GALNT13: variants seen among roughly 807,000 people sequenced by gnomAD.
GALNT13 encodes the protein UDP-GalNAc:polypeptide N-acetylgalactosaminyltransferase 13.
A neutral mutation model predicts 64.2 loss-of-function variants in GALNT13; 28 were observed. That is an observed-to-expected ratio of 0.44 (90% CI 0.32 to 0.60). GALNT13 has a LOEUF of 0.60. Ranked by LOEUF, GALNT13 falls within the 20% of genes least tolerant of loss-of-function variation. The probability of loss-of-function intolerance (pLI) is 0.05; values close to 1 mark genes in which losing one functional copy is unlikely to be tolerated. For missense variants in GALNT13, 577 were observed against 669.8 expected (o/e 0.86, Z 1.53); for synonymous variants, 214 against 224.6 (o/e 0.95, Z 0.42).
At chr2:153,214,791 A>G in the GALNT13 span, among the ~76,000 whole-genome samples, 2 of 152,192 alleles carry the variant, frequency 1.3e-5, no homozygotes, top group African/African-American at 2.4e-5. Context: ...AGTAATCTGC[A>G]TACTTTATTA....
chr2:153,158,244 T>C, the GALNT13 span, among the ~76,000 whole-genome samples: 1 of 152,198 alleles, frequency 6.6e-6, no homozygotes, highest in Non-Finnish European at 1.5e-5. Flanking sequence ...GACTGTAGTA[T>C]GTTTGCCACA....
chr2:154,327,228 G>A (rs1694924859), intron 9 of GALNT13, among the ~76,000 whole-genome samples: 1 of 151,994 alleles, frequency 6.6e-6, no homozygotes, highest in Non-Finnish European at 1.5e-5. Flanking sequence ...GCCTTGTGAA[G>A]GTCGCCTTTG....
chr2:153,351,594 A>G, the GALNT13 span, among the ~76,000 whole-genome samples: 3 of 152,316 alleles, frequency 2.0e-5, no homozygotes, highest in East Asian at 1.9e-4. Context: ...TTACTGCCCT[A>G]AAAGTCCTCT....
At chr2:153,666,616 A>G in the GALNT13 span, among the ~76,000 whole-genome samples, 1 of 152,090 alleles carries the variant, frequency 6.6e-6, no homozygotes, top group Admixed American at 6.5e-5. Flanking sequence ...AAATTATACC[A>G]CCATCGAACC....
chr2:153,602,667 A>AATGAGG, the GALNT13 span, among the ~76,000 whole-genome samples: 2 of 151,852 alleles, frequency 1.3e-5, no homozygotes, highest in African/African-American at 2.4e-5. Context: ...AGAGTTAGAA[A>AATGAGG]ATGAGGACAA....
chr2:154,230,682 T>A (rs1208992212), intron 4 of GALNT13, among the ~76,000 whole-genome samples: 5 of 152,136 alleles, frequency 3.3e-5, no homozygotes, highest in African/African-American at 1.2e-4. Flanking sequence ...ATTTTATTTT[T>A]AAAAATAACT....
the GALNT13 span, among the ~76,000 whole-genome samples, chr2:153,226,597 A>C: frequency 6.6e-6 from 1 of 152,128 alleles, no homozygotes; most frequent in African/African-American, 2.4e-5. Context: ...TATCAGACAA[A>C]TCCCATTTGA....
At chr2:153,795,863 T>C in the GALNT13 span, among the ~76,000 whole-genome samples, 1 of 152,226 alleles carries the variant, frequency 6.6e-6, no homozygotes, top group Admixed American at 6.5e-5. Context: ...CAATTCACAA[T>C]TATTCACTTA....
chr2:154,127,700 AC>A (rs1682369651), intron 3 of GALNT13, among the ~76,000 whole-genome samples: 1 of 147,230 alleles, frequency 6.8e-6, no homozygotes, highest in African/African-American at 2.5e-5. Flanking sequence ...ATCCATATCC[AC>A]ACACACACGT....
the GALNT13 span, among the ~76,000 whole-genome samples, chr2:153,535,204 G>A: frequency 1.3e-5 from 2 of 152,030 alleles, no homozygotes; most frequent in African/African-American, 4.8e-5. Context: ...GTGACGGCCC[G>A]GATACGGTTT....
chr2:154,182,591 T>C (rs941034761), intron 4 of GALNT13, among the ~76,000 whole-genome samples: 11 of 150,334 alleles, frequency 7.3e-5, no homozygotes, highest in Admixed American at 1.3e-4. Flanking sequence ...TAATTTTATC[T>C]GTTTTATAAG....
At chr2:153,588,072 A>C in the GALNT13 span, among the ~76,000 whole-genome samples, 2 of 152,204 alleles carry the variant, frequency 1.3e-5, no homozygotes, top group Non-Finnish European at 2.9e-5. Context: ...GGTCATGCTG[A>C]TGCAAAAGAT....
chr2:153,327,182 A>G, the GALNT13 span, among the ~76,000 whole-genome samples: 1 of 152,140 alleles, frequency 6.6e-6, no homozygotes. Flanking sequence ...TGTTAGTCTG[A>G]TGGGCTTCCC....
chr2:153,727,455 G>A, the GALNT13 span, among the ~76,000 whole-genome samples: 1 of 152,080 alleles, frequency 6.6e-6, no homozygotes, highest in Admixed American at 6.5e-5. Flanking sequence ...ACGTTCAAGT[G>A]TACACATTTC....
At chr2:153,717,525 A>G in the GALNT13 span, among the ~76,000 whole-genome samples, 2 of 152,224 alleles carry the variant, frequency 1.3e-5, no homozygotes, top group African/African-American at 4.8e-5. Context: ...TGTACATGGT[A>G]TTATGTAGAG....
chr2:153,419,759 AT>A, the GALNT13 span, among the ~76,000 whole-genome samples: 1 of 152,198 alleles, frequency 6.6e-6, no homozygotes, highest in Non-Finnish European at 1.5e-5. Context: ...TGGTTGTAAT[AT>A]TTACTTTAGT....
At chr2:154,151,298 T>A (rs928333991) in intron 4 of GALNT13, among the ~76,000 whole-genome samples, 1 of 152,180 alleles carries the variant, frequency 6.6e-6, no homozygotes, top group South Asian at 2.1e-4. Context: ...TGAGAGACAG[T>A]TTGTTATAAT....
At chr2:153,378,087 A>T in the GALNT13 span, among the ~76,000 whole-genome samples, 1 of 152,140 alleles carries the variant, frequency 6.6e-6, no homozygotes, top group Non-Finnish European at 1.5e-5. Flanking sequence ...AAATTCAGGG[A>T]TAAAGTATGG....
chr2:154,200,399 T>C (rs1687112116), intron 4 of GALNT13, among the ~76,000 whole-genome samples: 1 of 152,128 alleles, frequency 6.6e-6, no homozygotes, highest in Admixed American at 6.5e-5. Context: ...GAAATGCCAC[T>C]ACATTACTTT....
Sources: gnomAD v4.1 joint callset for allele counts (sites outside exome capture counted in the v4.1 genomes callset) on GRCh38, gnomAD v4.1.1 for gene constraint, MANE v1.5 for transcripts, NCBI Gene and HGNC (gene_info 2026-07-23, HGNC 2026-07-21) for gene names.